ABHD2: variants seen among roughly 807,000 people sequenced by gnomAD.
ABHD2 encodes monoacylglycerol lipase ABHD2.
ABHD2 carries 20 observed loss-of-function variants against 48.1 expected under a neutral mutation model. That is an observed-to-expected ratio of 0.42 (90% CI 0.29 to 0.60). The LOEUF (loss-of-function observed/expected upper bound fraction) is 0.60. Ranked by LOEUF, ABHD2 falls within the 20% of genes least tolerant of loss-of-function variation. ABHD2 has a pLI of 0.24. For synonymous variants in ABHD2, 209 were observed against 214.2 expected (o/e 0.98, Z 0.21); for missense variants, 405 against 550.9 (o/e 0.74, Z 2.65).
the ABHD2 span, among the ~76,000 whole-genome samples, chr15:89,051,229 G>A: frequency 5.9e-5 from 9 of 152,154 alleles, no homozygotes; most frequent in Admixed American, 2.0e-4. Flanking sequence ...GTGAAACTCT[G>A]TCTCAATAAT....
chr15:89,072,968 TTTCAC>T, the ABHD2 span, among the ~76,000 whole-genome samples: 1 of 147,482 alleles, frequency 6.8e-6, no homozygotes, highest in African/African-American at 2.6e-5. Flanking sequence ...CTAAACCTGT[TTTCAC>T]TACTTAAAAT....
chr15:89,080,159 C>A, the ABHD2 span, among the ~76,000 whole-genome samples: 1 of 152,194 alleles, frequency 6.6e-6, no homozygotes, highest in Admixed American at 6.5e-5. Flanking sequence ...GCTCATAAAG[C>A]CGGATTGTCA....
intron 3 of ABHD2, among the ~76,000 whole-genome samples, chr15:89,122,852 T>C (rs548200994): frequency 1.3e-5 from 2 of 152,260 alleles, no homozygotes; most frequent in South Asian, 4.1e-4. Context: ...GATGAAGGCA[T>C]TTAGGAGGAG....
intron 1 of ABHD2, among the ~76,000 whole-genome samples, chr15:89,095,334 GC>G (rs2049595935): frequency 6.6e-6 from 1 of 152,220 alleles, no homozygotes; most frequent in Non-Finnish European, 1.5e-5. Flanking sequence ...AACTGCAGCA[GC>G]ATTTGGCGGG....
At chr15:89,183,686 A>C (rs1360648906) in intron 6 of ABHD2, among the ~76,000 whole-genome samples, 1 of 151,324 alleles carries the variant, frequency 6.6e-6, no homozygotes, top group South Asian at 2.1e-4. Context: ...ATAAAAAAAA[A>C]TCAAGGGCTG....
upstream of ABHD2, chr15:89,087,989 A>G (rs982098760): frequency 1.3e-5 from 2 of 152,188 alleles, no homozygotes; most frequent in Non-Finnish European, 2.9e-5. The surrounding 1 kb of genome is among the most constrained non-coding windows in gnomAD (Gnocchi z 5.5). Flanking sequence ...CTGGACCCAT[A>G]AGAGCCCCAG....
At chr15:89,171,692 A>G (rs775402285) in intron 5 of ABHD2, among the ~76,000 whole-genome samples, 2 of 152,158 alleles carry the variant, frequency 1.3e-5, no homozygotes, top group Non-Finnish European at 2.9e-5. Context: ...TGTTTACTGC[A>G]AGTAGAAAGG....
the ABHD2 span, among the ~76,000 whole-genome samples, chr15:89,042,600 T>C: frequency 1.3e-5 from 1 of 79,820 alleles, no homozygotes; most frequent in Admixed American, 1.2e-4. Flanking sequence ...ATTTATTTAT[T>C]TATTTATTTA....
At chr15:89,057,217 G>A in the ABHD2 span, among the ~76,000 whole-genome samples, 21 of 152,268 alleles carry the variant, frequency 1.4e-4, no homozygotes, top group South Asian at 3.3e-3. Context: ...CTAGGCCAGC[G>A]TGATACCATT....
chr15:89,064,459 A>C, the ABHD2 span, among the ~76,000 whole-genome samples: 190 of 152,022 alleles, frequency 1.2e-3, no homozygotes, highest in Admixed American at 6.0e-3. Flanking sequence ...CGATCTCCTG[A>C]CCTTGTGATC....
In ABHD2 at chr15:89,201,503, C is replaced by CA. The variant is rs1265365445; in HGVS notation, c.*6085dup. ...TCCATATCTGAAGTGTTTAGTGGAG[C>CA]AAAAATTGTACCATAAACTTGTGTT... On this transcript the variant is annotated 3_prime_UTR_variant, in exon 11 of 11. Coordinates refer to ENST00000352732, the MANE Select transcript of ABHD2 (RefSeq NM_152924.5). 2 of 1,586,864 alleles carry CA rather than the reference C, an allele frequency of 1.3e-6. No homozygotes were observed. Among genetic ancestry groups the CA allele is most frequent in the Non-Finnish European group, 1.7e-6 (2 of 1,155,864 alleles).
chr15:89,135,676 T>C (rs1330676119), intron 3 of ABHD2: 1 of 1,529,988 alleles, frequency 6.5e-7, no homozygotes, highest in Non-Finnish European at 8.9e-7. Flanking sequence ...CAGGCTTTCC[T>C]TTAGCCCGAT....
At chr15:89,110,466 T>C (rs1293145865) in intron 1 of ABHD2, among the ~76,000 whole-genome samples, 2 of 152,190 alleles carry the variant, frequency 1.3e-5, no homozygotes, top group African/African-American at 2.4e-5. Context: ...ATCTAGCTGC[T>C]CCATGAGGAC....
At chr15:89,070,921 G>A in the ABHD2 span, among the ~76,000 whole-genome samples, 1 of 152,008 alleles carries the variant, frequency 6.6e-6, no homozygotes, top group Non-Finnish European at 1.5e-5. Context: ...CTGCCGTCCG[G>A]AAGGGCCTTC....
chr15:89,127,642 A>G (rs1021509507), intron 3 of ABHD2, among the ~76,000 whole-genome samples: 3 of 150,092 alleles, frequency 2.0e-5, no homozygotes, highest in African/African-American at 7.5e-5. Context: ...CCACAGCAGT[A>G]TGGACTTTTC....
intron 1 of ABHD2, among the ~76,000 whole-genome samples, chr15:89,108,448 G>A (rs181214038): frequency 2.3e-3 from 348 of 152,288 alleles, no homozygotes; most frequent in Middle Eastern, 6.8e-3. Context: ...TCCCTCCAAC[G>A]AGTACGACCC....
intron 3 of ABHD2, among the ~76,000 whole-genome samples, chr15:89,122,715 G>C (rs777720892): frequency 2.6e-5 from 4 of 152,226 alleles, no homozygotes; most frequent in Non-Finnish European, 4.4e-5. Flanking sequence ...GGGAAGTAGA[G>C]ACAGGCAGCA....
chr15:89,125,705 C>T (rs756983236), intron 3 of ABHD2, among the ~76,000 whole-genome samples: 8 of 152,190 alleles, frequency 5.3e-5, no homozygotes, highest in East Asian at 3.9e-4. Context: ...CAACTACTCA[C>T]TATCTTGGAT....
At chr15:89,081,805 C>T in the ABHD2 span, among the ~76,000 whole-genome samples, 13 of 151,988 alleles carry the variant, frequency 8.6e-5, no homozygotes, top group African/African-American at 3.1e-4. Context: ...GAGCCAAGGT[C>T]GTGCCACTGT....
Sources: allele counts gnomAD v4.1 joint callset (sites outside exome capture counted in the v4.1 genomes callset), GRCh38; gene constraint gnomAD v4.1.1; non-coding constraint Gnocchi (gnomAD v3.1); transcripts MANE v1.5; gene names NCBI Gene and HGNC (gene_info 2026-07-23, HGNC 2026-07-21).